Variants in RALYL observed in about 807,000 individuals in gnomAD.
The protein encoded by RALYL is RNA-binding Raly-like protein.
In RALYL, 29 loss-of-function variants were observed where a neutral mutation model predicts 35.1. That is an observed-to-expected ratio of 0.83 (90% CI 0.61 to 1.13). The LOEUF is 1.13. Ranked by LOEUF, RALYL falls within the 50% of genes most tolerant of loss-of-function variation. The pLI, the probability that RALYL is intolerant of heterozygous loss-of-function variation, is 0.00. For synonymous variants in RALYL, 120 were observed against 127.6 expected, an observed-to-expected ratio of 0.94 and a Z score of 0.40; for missense variants, 359 against 360.4, an observed-to-expected ratio of 1.00 and a Z score of 0.03.
chr8:84,184,479 A>C (rs1235117391), intron 1 of RALYL, 55 bp downstream of exon 1: 1 of 153,966 alleles, frequency 6.5e-6, no homozygotes, highest in Non-Finnish European at 1.4e-5. Flanking sequence ...CACTGGTCCT[A>C]GCAAAGAAAT....
intron 1 of RALYL, among the ~76,000 whole-genome samples, chr8:84,443,722 A>C (rs1253268034): frequency 6.6e-6 from 1 of 152,110 alleles, no homozygotes; most frequent in African/African-American, 2.4e-5. Context: ...TTTGGGGTAC[A>C]GTATCTTCTT....
chr8:84,827,403 CACAT>C (rs1829947337), intron 4 of RALYL, among the ~76,000 whole-genome samples: 1 of 152,008 alleles, frequency 6.6e-6, no homozygotes, highest in Non-Finnish European at 1.5e-5. Flanking sequence ...GAATAAAAGC[CACAT>C]ACAAAGAATG....
chr8:84,899,142 T>C (rs971682256), intron 8 of RALYL, among the ~76,000 whole-genome samples: 1 of 152,172 alleles, frequency 6.6e-6, no homozygotes, highest in African/African-American at 2.4e-5. Flanking sequence ...ATTCTACCTT[T>C]TATTTTGTCT....
intron 2 of RALYL, among the ~76,000 whole-genome samples, chr8:84,675,216 T>G (rs1588929676): frequency 6.6e-6 from 1 of 152,270 alleles, no homozygotes; most frequent in East Asian, 1.9e-4. Context: ...TCACTAAACT[T>G]TTAAAATATG....
At chr8:84,418,372 T>C (rs753484513) in intron 1 of RALYL, among the ~76,000 whole-genome samples, 3 of 152,162 alleles carry the variant, frequency 2.0e-5, no homozygotes, top group Non-Finnish European at 4.4e-5. Context: ...CTGGCACATA[T>C]TAGGTACTCA....
intron 1 of RALYL, among the ~76,000 whole-genome samples, chr8:84,462,772 T>G (rs2050961827): frequency 6.6e-6 from 1 of 151,764 alleles, no homozygotes; most frequent in African/African-American, 2.4e-5. Flanking sequence ...TCCTCCAAAC[T>G]ATCCCACACT....
chr8:84,458,536 C>A (rs904026691), intron 1 of RALYL, among the ~76,000 whole-genome samples: 2 of 151,660 alleles, frequency 1.3e-5, no homozygotes, highest in African/African-American at 4.8e-5. Flanking sequence ...GATATGCTTT[C>A]CCCTAATTAC....
At chr8:84,408,341 A>T (rs1037749522) in intron 1 of RALYL, among the ~76,000 whole-genome samples, 1 of 152,156 alleles carries the variant, frequency 6.6e-6, no homozygotes, top group Non-Finnish European at 1.5e-5. Flanking sequence ...AACCTAGCAT[A>T]CTCTAATGAG....
intron 2 of RALYL, among the ~76,000 whole-genome samples, chr8:84,709,636 C>T (rs1237302930): frequency 1.3e-5 from 2 of 151,530 alleles, no homozygotes; most frequent in Non-Finnish European, 2.9e-5. Flanking sequence ...TTCATACTCC[C>T]GAAGGTTGAG....
intron 1 of RALYL, among the ~76,000 whole-genome samples, chr8:84,461,953 A>G (rs1171310719): frequency 6.6e-6 from 1 of 151,622 alleles, no homozygotes; most frequent in Non-Finnish European, 1.5e-5. Flanking sequence ...TCTTTATGTT[A>G]TACTTTCTGT....
At chr8:84,503,800 T>G (rs1243005374) in intron 1 of RALYL, among the ~76,000 whole-genome samples, 1 of 150,372 alleles carries the variant, frequency 6.7e-6, no homozygotes, top group Non-Finnish European at 1.5e-5. Context: ...GAGAATCGGC[T>G]TGAGTGCAGT....
At chr8:84,418,728 T>G (rs2045051313) in intron 1 of RALYL, among the ~76,000 whole-genome samples, 1 of 152,162 alleles carries the variant, frequency 6.6e-6, no homozygotes, top group Non-Finnish European at 1.5e-5. Flanking sequence ...TTATATTCAC[T>G]GGGACCTTGA....
At chr8:84,577,830 A>G (rs1196994813) in intron 2 of RALYL, among the ~76,000 whole-genome samples, 1 of 152,250 alleles carries the variant, frequency 6.6e-6, no homozygotes. Context: ...TGTGAAAATG[A>G]AAAAGATATC....
At chr8:84,648,684 C>A (rs1171506853) in intron 2 of RALYL, among the ~76,000 whole-genome samples, 3 of 151,526 alleles carry the variant, frequency 2.0e-5, no homozygotes, top group Non-Finnish European at 4.4e-5. Context: ...ATATTTAATT[C>A]TCATGTTTTC....
chr8:84,379,407 A>G (rs79846220), intron 1 of RALYL, among the ~76,000 whole-genome samples: 1 of 152,068 alleles, frequency 6.6e-6, no homozygotes, highest in African/African-American at 2.4e-5. Flanking sequence ...TTATTAAACT[A>G]TGCATCCAAG....
At chr8:84,407,064 ACACAAAC>A (rs2043606057) in intron 1 of RALYL, among the ~76,000 whole-genome samples, 2 of 148,416 alleles carry the variant, frequency 1.3e-5, no homozygotes, top group Non-Finnish European at 3.0e-5. Flanking sequence ...ACACACACAC[ACACAAAC>A]ACACACACAC....
At chr8:84,266,909 G>A (rs1358380255) in intron 1 of RALYL, among the ~76,000 whole-genome samples, 2 of 145,504 alleles carry the variant, frequency 1.4e-5, no homozygotes, top group South Asian at 2.2e-4. Context: ...GCAGTGAGCC[G>A]AGATCGCGCC....
At chr8:84,666,742 T>C (rs1256466006) in intron 2 of RALYL, among the ~76,000 whole-genome samples, 1 of 152,096 alleles carries the variant, frequency 6.6e-6, no homozygotes, top group African/African-American at 2.4e-5. Flanking sequence ...TTTCTTCCAC[T>C]GCAGTCCTCT....
At chr8:84,726,995 A>G (rs1443710472) in intron 2 of RALYL, among the ~76,000 whole-genome samples, 1 of 152,068 alleles carries the variant, frequency 6.6e-6, no homozygotes, top group African/African-American at 2.4e-5. Flanking sequence ...CTATCAATAA[A>G]TGGAAGTGGA....
Sources: gnomAD v4.1 joint callset for allele counts (sites outside exome capture counted in the v4.1 genomes callset) on GRCh38, gnomAD v4.1.1 for gene constraint, MANE v1.5 for transcripts, NCBI Gene and HGNC (gene_info 2026-07-23, HGNC 2026-07-21) for gene names.